The following DUXB variants were observed in gnomAD, a reference collection of about 807,000 sequenced individuals.
DUXB encodes double homeobox B.
Under a neutral mutation model 8.9 loss-of-function variants are expected in DUXB, and 22 were observed. The observed-to-expected ratio is 2.46, with a 90% confidence interval of 1.76 to 3.52. The LOEUF (loss-of-function observed/expected upper bound fraction) is 3.52. DUXB is among the 30% of genes most tolerant of loss of function. DUXB has a pLI of 0.00. For synonymous variants in DUXB, 84 were observed against 37.6 expected (o/e 2.23, Z -4.52); for missense variants, 237 against 108.7 (o/e 2.18, Z -5.25).
intron 4 of DUXB, 22 bp downstream of exon 4, chr16:75,695,939 G>A (rs993469120): frequency 2.0e-5 from 14 of 702,770 alleles, no homozygotes; most frequent in African/African-American, 1.9e-4. Context: ...GACATAGTTG[G>A]GATCACACAC....
chr16:75,701,041 T>A (rs1343546165), intron 1 of DUXB, among the ~76,000 whole-genome samples: 1 of 151,914 alleles, frequency 6.6e-6, no homozygotes, highest in Non-Finnish European at 1.5e-5. Context: ...ACAGGTGAAA[T>A]AAGACACACA....
chr16:75,696,910 TTC>T lies in DUXB; in HGVS notation c.212_213del (p.Arg71LysfsTer5), dbSNP rs1376415489. ...TCTGAGAAGCACTTATAATCCAGTT[TTC>T]TCTGTTTTACTCTGTAATTTTTAAA... ...VWFKNYRVKQ[R>X]KLDYKCFSEK... On this transcript the variant is annotated frameshift_variant, in exon 3 of 5. Coordinates refer to ENST00000633875, the MANE Select transcript of DUXB (RefSeq NM_001351307.2). LOFTEE classifies it high-confidence loss of function. The T allele has an allele frequency of 4.3e-6, 3 of 702,948 alleles. No individual in the cohort carries two copies. The highest frequency in any genetic ancestry group is 3.5e-5 in the African/African-American group (2 of 57,358). 43.5% of individuals were successfully genotyped at this position (702,948 alleles called of 1,614,324 possible).
At chr16:75,699,032 G>C (rs1229318663) in intron 2 of DUXB, among the ~76,000 whole-genome samples, 1 of 152,054 alleles carries the variant, frequency 6.6e-6, no homozygotes, top group Non-Finnish European at 1.5e-5. Context: ...TTTTTGGAGA[G>C]ATGGGGTTTT....
rs1335686228 is a variant in DUXB at position 75,700,122 on chromosome 16, TC to T, written c.72del (p.Ser25ValfsTer44). ...EFWRNRIQYN[Q>X]SQKDILQSWF... Reference sequence around the variant, plus strand: ...CATGATTGGAGGATATCCTTTTGACTCTGGTTATACTGAATTCTGTTTCTCC... The same window carrying T: ...CATGATTGGAGGATATCCTTTTGACTTGGTTATACTGAATTCTGTTTCTCC... On this transcript the variant is annotated frameshift_variant, in exon 2 of 5. Transcript: ENST00000633875. LOFTEE classifies it high-confidence loss of function. 1 of 702,848 alleles carries T rather than the reference TC, an allele frequency of 1.4e-6. No homozygotes were observed. The highest frequency in any genetic ancestry group is 2.6e-6 in the Non-Finnish European group (1 of 384,946). 43.5% of individuals were successfully genotyped at this position (702,848 alleles called of 1,614,324 possible).
chr16:75,700,743 G>A lies in DUXB; in HGVS notation c.26-574C>T, dbSNP rs532506994. On this transcript the variant is annotated intron_variant, in intron 1 of 4. Transcript: ENST00000633875. ...AGGATGGTCTCGATCTCCTGACCTCGTGATCTGCCCACCTCGGCCTCCCAA... is the reference window on the plus strand; with the variant it reads ...AGGATGGTCTCGATCTCCTGACCTCATGATCTGCCCACCTCGGCCTCCCAA... Among the ~76,000 whole-genome samples the A allele has an allele frequency of 1.1e-3, 163 of 152,072 alleles. 1 individual carries two copies. The highest frequency in any genetic ancestry group is 3.6e-3 in the African/African-American group (151 of 41,490).
At position 75,693,999 on chromosome 16, in the gene DUXB, A is replaced by G. The variant is rs889425499; in HGVS notation, c.968T>C (p.Ile323Thr). The change falls in exon 5 of 5, where the codon ATT (isoleucine) becomes ACT (threonine). Residue 323 changes from isoleucine (I) to threonine (T), a missense_variant. Ile to Thr is a moderately conservative substitution (Grantham distance 89, BLOSUM62 -1). Transcript: ENST00000633875. Reference sequence around the variant, plus strand: ...GCAGATCTCGTCCCACCTTTGCAAAATGTTCGATATGTCAAACTGACCCAG... The same window carrying G: ...GCAGATCTCGTCCCACCTTTGCAAAGTGTTCGATATGTCAAACTGACCCAG... ...LNLGQFDISNILQRWDEICQA... is the reference protein window; with the variant it reads ...LNLGQFDISNTLQRWDEICQA... 2 of 400,978 alleles carry G rather than the reference A, an allele frequency of 5.0e-6. No individual in the cohort carries two copies. The highest frequency in any genetic ancestry group is 4.1e-5 in the African/African-American group (2 of 48,560). 24.8% of individuals were successfully genotyped at this position (400,978 alleles called of 1,614,324 possible). A position where few individuals can be genotyped will look rare whatever the true frequency, so the allele number is the denominator to read the frequency against.
chr16:75,701,451 A>G lies in DUXB; in HGVS notation c.-33T>C, dbSNP rs1768307588. The G allele has an allele frequency of 7.5e-6, 3 of 398,640 alleles. No homozygotes were observed. The highest frequency in any genetic ancestry group is 1.3e-5 in the Non-Finnish European group (3 of 226,062). 24.7% of individuals were successfully genotyped at this position (398,640 alleles called of 1,614,324 possible). A position where few individuals can be genotyped will look rare whatever the true frequency, so the allele number is the denominator to read the frequency against. Reference sequence around the variant, plus strand: ...AGAAGACCTGGACTCCACGGAGATCAGCGAGTAACTGAGCAGCTCTCAAAG... The same window carrying G: ...AGAAGACCTGGACTCCACGGAGATCGGCGAGTAACTGAGCAGCTCTCAAAG... On this transcript the variant is annotated 5_prime_UTR_variant, in exon 1 of 5. Coordinates refer to ENST00000633875, the MANE Select transcript of DUXB (RefSeq NM_001351307.2).
chr16:75,694,616 C>A, intron 4 of DUXB, 91 bp from the exon 5 acceptor site: 1 of 678,380 alleles, frequency 1.5e-6, no homozygotes, highest in Non-Finnish European at 2.7e-6. Context: ...AGCTATTAAC[C>A]TAAGGACAAA....
chr16:75,696,735 A>G (rs2082610507), intron 3 of DUXB, 103 bp downstream of exon 3: 1 of 615,118 alleles, frequency 1.6e-6, no homozygotes, highest in Non-Finnish European at 2.9e-6. Flanking sequence ...ATCTCTGGTC[A>G]CCAGGATGCC....
chr16:75,695,001 GTTA>G (rs1427478098), intron 4 of DUXB, among the ~76,000 whole-genome samples: 1 of 151,980 alleles, frequency 6.6e-6, no homozygotes, highest in Non-Finnish European at 1.5e-5. Flanking sequence ...ACATATGTTT[GTTA>G]TTATTTATTT....
Position 75,700,183 on chromosome 16 carries a change from A to C in DUXB, c.26-14T>G, listed in dbSNP as rs1461229692. On this transcript the variant is annotated splice_polypyrimidine_tract_variant and intron_variant, in intron 1 of 4. Transcript: ENST00000633875. ...TTTGAAGTATGCCTGATGAACAGAA[A>C]AGGGGGAGAATAGTGTGAATAATAT... 1.4e-6 allele frequency: 1 copy of C among 698,090 alleles called. No individual in the cohort carries two copies. The allele number at this position is 698,090 out of a possible 1,614,324, so 43.2% of individuals were successfully genotyped here.
intron 2 of DUXB, chr16:75,698,796 T>C (rs929470614): frequency 2.0e-5 from 3 of 152,188 alleles, no homozygotes; most frequent in Non-Finnish European, 4.4e-5. Context: ...CTCAACCTCC[T>C]AAGTAGCTGG....
chr16:75,698,232 C>G (rs952403446), intron 2 of DUXB, among the ~76,000 whole-genome samples: 1 of 152,192 alleles, frequency 6.6e-6, no homozygotes, highest in Non-Finnish European at 1.5e-5. Flanking sequence ...GTACCTCTCT[C>G]AAAGCCAATT....
chr16:75,696,082 G>A lies in DUXB; in HGVS notation c.320C>T (p.Thr107Ile), dbSNP rs2082604431. The A allele has an allele frequency of 1.4e-6, 1 of 703,022 alleles. No individual in the cohort carries two copies. The highest frequency in any genetic ancestry group is 2.6e-6 in the Non-Finnish European group (1 of 385,024). 43.5% of individuals were successfully genotyped at this position (703,022 alleles called of 1,614,324 possible). The change falls in exon 4 of 5, where the codon ACA becomes ATA. Residue 107 changes from threonine (T) to isoleucine (I), a missense_variant. Thr to Ile is a moderately conservative substitution (Grantham distance 89). Transcript: ENST00000633875. ...GTTTTTTTGAGTCCATGTGATGAAT[G>A]TCTGTTTTTGTCGGGCTTCTTTAGG... ...YLPKEARQKQ[T>I]FITWTQKNRL...
intron 3 of DUXB, among the ~76,000 whole-genome samples, chr16:75,696,555 T>C (rs1163366286): frequency 1.3e-5 from 2 of 151,784 alleles, no homozygotes; most frequent in Non-Finnish European, 2.9e-5. Context: ...CAAAACAAAA[T>C]ACAAAAATAA....
At chr16:75,697,728 G>A (rs918315419) in intron 2 of DUXB, among the ~76,000 whole-genome samples, 1 of 152,212 alleles carries the variant, frequency 6.6e-6, no homozygotes, top group Non-Finnish European at 1.5e-5. Flanking sequence ...GCCACAGGCA[G>A]TCCATGGCCT....
At position 75,694,014 on chromosome 16, in the gene DUXB, A is replaced by T. The variant is rs909168976; in HGVS notation, c.953T>A (p.Phe318Tyr). The T allele has an allele frequency of 2.5e-6, 1 of 402,100 alleles. No homozygotes were observed. The allele number at this position is 402,100 out of a possible 1,614,324, so 24.9% of individuals were successfully genotyped here. ...CCTTTGCAAAATGTTCGATATGTCA[A>T]ACTGACCCAGATTTAGAGGTTGTTG... ...REQQPLNLGQ[F>Y]DISNILQRWD... The change falls in exon 5 of 5, where the codon TTT (phenylalanine) becomes TAT (tyrosine). Residue 318 changes from phenylalanine (F) to tyrosine (Y), a missense_variant. Coordinates refer to ENST00000633875, the MANE Select transcript of DUXB (RefSeq NM_001351307.2).
rs1959201846 is a variant in DUXB at position 75,700,089 on chromosome 16, G to A, written c.106C>T (p.His36Tyr). 1.4e-6 allele frequency: 1 copy of A among 702,764 alleles called. No individual in the cohort carries two copies. The highest frequency in any genetic ancestry group is 1.7e-5 in the African/African-American group (1 of 57,236). The allele number at this position is 702,764 out of a possible 1,614,324, so 43.5% of individuals were successfully genotyped here. ...GCAGCTTTATCAGGGAAAGGGTCAT[G>A]TTGAAACCATGATTGGAGGATATCC... Reference protein sequence around the residue: ...QKDILQSWFQHDPFPDKAARE... With the variant: ...QKDILQSWFQYDPFPDKAARE... Residue 36 changes from histidine (H) to tyrosine (Y), a missense_variant, in exon 2 of 5, where the codon CAT becomes TAT. By Grantham distance (83) the His-to-Tyr change is moderately conservative (BLOSUM62 2). Transcript: ENST00000633875.
rs774629326 is a variant in DUXB at position 75,694,454 on chromosome 16, G to A, written c.513C>T (p.Asp171=). The change falls in exon 5 of 5, where the codon GAC becomes GAT. Residue 171 remains aspartate (D), a synonymous_variant. Transcript: ENST00000633875. ...TTGCATCTGGTCTCTCATTTGGGTCGTCTACCAATAAATTCATGGGCTCCA... is the reference window on the plus strand; with the variant it reads ...TTGCATCTGGTCTCTCATTTGGGTCATCTACCAATAAATTCATGGGCTCCA... The part of the protein sequence containing the change: ...SRMEPMNLLV[D]DPNERPDATV... 5.8e-5 allele frequency: 41 copies of A among 702,738 alleles called. No homozygotes were observed. Among genetic ancestry groups the A allele is most frequent in the African/African-American group, 1.6e-4 (9 of 57,232 alleles). The allele number at this position is 702,738 out of a possible 1,614,324, so 43.5% of individuals were successfully genotyped here. A position where few individuals can be genotyped will look rare whatever the true frequency, so the allele number is the denominator to read the frequency against.
Sources: allele counts gnomAD v4.1 joint callset (sites outside exome capture counted in the v4.1 genomes callset), GRCh38; gene constraint gnomAD v4.1.1; transcripts MANE v1.5; gene names NCBI Gene and HGNC (gene_info 2026-07-23, HGNC 2026-07-21).